Variants in SVOPL observed in about 807,000 individuals in gnomAD.
The protein encoded by SVOPL is SVOP like, also known as putative transporter SVOPL.
SVOPL carries 60 observed loss-of-function variants against 61.0 expected under a neutral mutation model. The ratio of observed to expected loss-of-function variants is 0.98; its 90% CI spans 0.80 to 1.22. SVOPL has a LOEUF of 1.22. Ranked by LOEUF, SVOPL falls within the 50% of genes most tolerant of loss-of-function variation. SVOPL has a pLI of 0.00. For synonymous variants in SVOPL, 279 were observed against 250.0 expected (o/e 1.12, Z -1.09); for missense variants, 662 against 643.9 (o/e 1.03, Z -0.30).
Position 138,627,456 on chromosome 7 carries a change from G to T in SVOPL, c.1075C>A (p.Pro359Thr). The T allele has an allele frequency of 6.2e-7, 1 of 1,611,722 alleles. No individual in the cohort carries two copies. The highest frequency in any genetic ancestry group is 8.5e-7 in the Non-Finnish European group (1 of 1,177,956). Residue 359 changes from proline to threonine, a missense_variant, in exon 12 of 16, where the codon CCT becomes ACT. By Grantham distance (38) the Pro-to-Thr change is conservative. Coordinates refer to ENST00000674285, the MANE Select transcript of SVOPL (RefSeq NM_001139456.2). ...ISTIGEIALN[P>T]LNILGINFLG... The stretch of plus-strand genomic sequence containing the variant: ...AAATTGATGCCCAGTATATTTAAAG[G>T]ATTCACTAGAAAGCAAACAGTAAAG...
intron 9 of SVOPL, among the ~76,000 whole-genome samples, chr7:138,641,652 C>G (rs139409088): frequency 0.032 from 3,185 of 100,048 alleles, 121 homozygotes; most frequent in African/African-American, 0.11. Context: ...GCCTGGATGA[C>G]AAGAGCGAAA....
intron 7 of SVOPL, among the ~76,000 whole-genome samples, chr7:138,655,640 T>TTA (rs570926828): frequency 3.5e-5 from 2 of 57,892 alleles, no homozygotes; most frequent in East Asian, 3.1e-4. Flanking sequence ...ATATATACTA[T>TTA]TATATATATA....
intron 1 of SVOPL, among the ~76,000 whole-genome samples, chr7:138,690,579 C>A (rs988996653): frequency 2.0e-5 from 3 of 152,140 alleles, no homozygotes; most frequent in Non-Finnish European, 4.4e-5. Context: ...ATGAAATATC[C>A]ATTTATGTGA....
chr7:138,701,059 A>G (rs1211792417), intron 1 of SVOPL, 119 bp downstream of exon 1: 1 of 152,178 alleles, frequency 6.6e-6, no homozygotes, highest in African/African-American at 2.4e-5. Context: ...TGCAATATCC[A>G]AGGAAATTTT....
At chr7:138,677,754 T>G (rs910252940) in intron 3 of SVOPL, among the ~76,000 whole-genome samples, 6 of 150,034 alleles carry the variant, frequency 4.0e-5, no homozygotes, top group Admixed American at 6.8e-5. Context: ...TTTTTTTTTT[T>G]TTTTTCATTT....
At chr7:138,661,115 C>A (rs568028747) in intron 5 of SVOPL, 57 of 985,218 alleles carry the variant, frequency 5.8e-5, no homozygotes, top group Non-Finnish European at 6.7e-5. Flanking sequence ...TTAAAACATA[C>A]AGCCAATTCT....
intron 13 of SVOPL, among the ~76,000 whole-genome samples, chr7:138,622,268 A>C (rs1584794052): frequency 1.1e-5 from 1 of 88,880 alleles, no homozygotes; most frequent in Non-Finnish European, 2.6e-5. Context: ...CTATCTATCT[A>C]TGTATCTATC....
chr7:138,664,655 G>A lies in SVOPL; in HGVS notation c.274-1510C>T, dbSNP rs540780089. ...TCTCCAGCACCCCCGATCCTCCATC[G>A]GGCGCGCGCCTAACTCTCCAGCGTC... On this transcript the variant is annotated intron_variant, in intron 4 of 15. Transcript: ENST00000674285. 4.3e-4 allele frequency among the ~76,000 whole-genome samples: 60 copies of A among 138,260 alleles called. 1 individual carries two copies. Among genetic ancestry groups the A allele is most frequent in the African/African-American group, 1.6e-3 (57 of 36,584 alleles). 90.7% of individuals were successfully genotyped at this position (138,260 alleles called of 152,430 possible). A position where few individuals can be genotyped will look rare whatever the true frequency, so the allele number is the denominator to read the frequency against.
chr7:138,607,775 C>T (rs550687050), intron 14 of SVOPL, among the ~76,000 whole-genome samples: 27 of 152,050 alleles, frequency 1.8e-4, no homozygotes, highest in African/African-American at 6.3e-4. Flanking sequence ...CTGTGGAACC[C>T]GAAGCATATT....
At chr7:138,669,849 C>T (rs182311153) in intron 4 of SVOPL, among the ~76,000 whole-genome samples, 1 of 152,304 alleles carries the variant, frequency 6.6e-6, no homozygotes, top group Non-Finnish European at 1.5e-5. Context: ...AATCTACCTT[C>T]TGTCAGTTGA....
At chr7:138,648,444 C>G (rs947050350) in intron 8 of SVOPL, among the ~76,000 whole-genome samples, 10 of 147,372 alleles carry the variant, frequency 6.8e-5, no homozygotes, top group African/African-American at 2.5e-4. Context: ...CCCTTCTCTG[C>G]TAATAATAGC....
At chr7:138,682,968 C>CAAAAAAAAAA (rs762982090) in intron 1 of SVOPL, among the ~76,000 whole-genome samples, 4 of 95,428 alleles carry the variant, frequency 4.2e-5, no homozygotes, top group African/African-American at 1.5e-4. Context: ...AACTCCATCT[C>CAAAAAAAAAA]AAAAAAAAAA....
chr7:138,635,881 AAAGT>A (rs149859975), intron 9 of SVOPL, among the ~76,000 whole-genome samples: 4,974 of 152,278 alleles, frequency 0.033, 172 homozygotes, highest in East Asian at 0.082. Flanking sequence ...AACAACCACA[AAAGT>A]AAGTGAGCCA....
At chr7:138,660,969 G>A in intron 5 of SVOPL, 2 of 982,666 alleles carry the variant, frequency 2.0e-6, no homozygotes, top group Non-Finnish European at 2.4e-6. Flanking sequence ...TTTTGTTTTT[G>A]ATAACTCCTG....
At chr7:138,672,900 C>A (rs1584861167) in intron 3 of SVOPL, among the ~76,000 whole-genome samples, 1 of 110,468 alleles carries the variant, frequency 9.1e-6, no homozygotes, top group South Asian at 2.9e-4. Context: ...ATAAGTTTGT[C>A]TCTCAAAAAA....
intron 9 of SVOPL, among the ~76,000 whole-genome samples, chr7:138,630,503 A>G (rs111578056): frequency 6.6e-6 from 1 of 152,236 alleles, no homozygotes; most frequent in African/African-American, 2.4e-5. Flanking sequence ...AAACTCTTAT[A>G]TTAAAAAAGA....
chr7:138,621,137 T>C lies in SVOPL; in HGVS notation c.1264-2A>G. 4.3e-6 allele frequency: 7 copies of C among 1,611,868 alleles called. No individual in the cohort carries two copies. Among genetic ancestry groups the C allele is most frequent in the Non-Finnish European group, 5.9e-6 (7 of 1,179,120 alleles). ...AGCGCGCATCGTGGTGGGGTAGACC[T>C]GCAGGGAGAGGCACGGAAAGTACCA... On this transcript the variant is annotated splice_acceptor_variant, in intron 13 of 15. Transcript: ENST00000674285. LOFTEE classifies it high-confidence loss of function.
intron 3 of SVOPL, among the ~76,000 whole-genome samples, chr7:138,673,080 G>GA (rs937380608): frequency 3.9e-5 from 6 of 152,066 alleles, no homozygotes; most frequent in Admixed American, 1.3e-4. Context: ...TTATCAGGAG[G>GA]AAAAAAAGGG....
intron 1 of SVOPL, among the ~76,000 whole-genome samples, chr7:138,697,519 A>G (rs1803088252): frequency 6.6e-6 from 1 of 151,124 alleles, no homozygotes. Context: ...GAGGTGGGAG[A>G]ATCACTTGAG....
Sources: allele counts gnomAD v4.1 joint callset (sites outside exome capture counted in the v4.1 genomes callset), GRCh38; gene constraint gnomAD v4.1.1; transcripts MANE v1.5; gene names NCBI Gene and HGNC (gene_info 2026-07-23, HGNC 2026-07-21).